Variants in TMEM272 observed in about 807,000 individuals in gnomAD.
TMEM272 encodes transmembrane protein 272, also known as long intergenic non-protein coding RNA 282.
A neutral mutation model predicts 3.7 loss-of-function variants in TMEM272; 8 were observed. The observed-to-expected ratio is 2.17, with a 90% CI of 1.27 to 3.91. The LOEUF (loss-of-function observed/expected upper bound fraction) is 3.91. Ranked by LOEUF, TMEM272 falls within the 30% of genes most tolerant of loss-of-function variation. TMEM272 has a pLI of 0.00. For synonymous variants in TMEM272, 63 were observed against 39.8 expected, an observed-to-expected ratio of 1.58 and a Z score of -2.20; for missense variants, 166 against 91.5, an observed-to-expected ratio of 1.81 and a Z score of -3.32.
the TMEM272 span, chr13:51,933,233 G>A: frequency 6.6e-6 from 1 of 152,184 alleles, no homozygotes; most frequent in African/African-American, 2.4e-5. Context: ...TAAGAGTGAA[G>A]CCTTCACAGC....
At chr13:51,878,956 C>T in the TMEM272 span, among the ~76,000 whole-genome samples, 3 of 152,158 alleles carry the variant, frequency 2.0e-5, no homozygotes, top group Admixed American at 6.5e-5. Flanking sequence ...TTTGTATTTA[C>T]ACAGAGATTC....
Position 51,838,542 on chromosome 13 carries a change from G to A in TMEM272, c.-12C>T, listed in dbSNP as rs1303459493. 1.6e-5 allele frequency: 11 copies of A among 702,906 alleles called. No individual in the cohort carries two copies. The highest frequency in any genetic ancestry group is 5.4e-5 in the East Asian group (2 of 37,302). 43.5% of individuals were successfully genotyped at this position (702,906 alleles called of 1,614,324 possible). A position where few individuals can be genotyped will look rare whatever the true frequency, so the allele number is the denominator to read the frequency against. On this transcript the variant is annotated 5_prime_UTR_variant, in exon 2 of 5. Transcript: ENST00000629372. ...AGACCTCCTGGCATTGTTCTTGCTC[G>A]CTGACAAAGTTCTGAGGATCAAAAA...
chr13:51,816,132 CGTT>C lies in TMEM272; in HGVS notation c.*616_*618del, dbSNP rs1956022403. Reference sequence around the variant, plus strand: ...CCCTATGTGGAAGCTACTGCTTTGACGTTGTTAGATTTTATAGCTGACCTTGGG... The same window carrying C: ...CCCTATGTGGAAGCTACTGCTTTGACGTTAGATTTTATAGCTGACCTTGGG... On this transcript the variant is annotated 3_prime_UTR_variant, in exon 5 of 5. Coordinates refer to ENST00000629372, the MANE Select transcript of TMEM272 (RefSeq NM_001351003.2). 1 of 153,034 alleles carries C rather than the reference CGTT, an allele frequency of 6.5e-6. No individual in the cohort carries two copies. Among genetic ancestry groups the C allele is most frequent in the Non-Finnish European group, 1.5e-5 (1 of 68,670 alleles). The allele number at this position is 153,034 out of a possible 1,614,324, so 9.5% of individuals were successfully genotyped here.
the TMEM272 span, among the ~76,000 whole-genome samples, chr13:51,896,591 G>A: frequency 6.6e-6 from 1 of 152,182 alleles, no homozygotes; most frequent in Non-Finnish European, 1.5e-5. Flanking sequence ...TGCCCTGAGA[G>A]GGGGATGCTG....
the TMEM272 span, among the ~76,000 whole-genome samples, chr13:51,911,267 A>AGGC: frequency 2.0e-5 from 3 of 152,176 alleles, no homozygotes; most frequent in Admixed American, 1.3e-4. Context: ...CTCCCAGATG[A>AGGC]GGCAGATTAT....
rs732854 is a variant in TMEM272 at position 51,843,591 on chromosome 13, G to A, written c.-24+1425C>T. Among the ~76,000 whole-genome samples the A allele has an allele frequency of 7.1e-3, 1,078 of 152,236 alleles. 8 individuals are homozygous for A. Among genetic ancestry groups the A allele is most frequent in the African/African-American group, 0.022 (894 of 41,518 alleles). On this transcript the variant is annotated intron_variant, in intron 1 of 4. Transcript: ENST00000629372. ...CTTCTATATCTTCTACTAAGAAAAC[G>A]TACATTTTTTCTTATTTGATAGAAA...
At chr13:51,824,277 G>T (rs780613306) in intron 3 of TMEM272, among the ~76,000 whole-genome samples, 2 of 152,094 alleles carry the variant, frequency 1.3e-5, no homozygotes, top group Non-Finnish European at 2.9e-5. Context: ...GCAGTATCAC[G>T]ATTATTCTTT....
chr13:51,928,475 G>T, the TMEM272 span, among the ~76,000 whole-genome samples: 1 of 152,180 alleles, frequency 6.6e-6, no homozygotes, highest in African/African-American at 2.4e-5. Context: ...TGAGAAGGCT[G>T]AAGCCCCGAC....
At chr13:51,926,643 G>A in the TMEM272 span, among the ~76,000 whole-genome samples, 1 of 148,400 alleles carries the variant, frequency 6.7e-6, no homozygotes, top group South Asian at 2.4e-4. Context: ...GTGGGTGTGG[G>A]TGTGGGTGTG....
Position 51,813,445 on chromosome 13 carries a change from T to C in TMEM272, c.*3306A>G. 2.5e-6 allele frequency: 1 copy of C among 393,968 alleles called. No individual in the cohort carries two copies. The allele number at this position is 393,968 out of a possible 1,614,324, so 24.4% of individuals were successfully genotyped here. A position where few individuals can be genotyped will look rare whatever the true frequency, so the allele number is the denominator to read the frequency against. ...ACAAAGATGAAAGCTATTGACCACTTGGCCACTTCTCATACTAAAAGAGAA... is the reference window on the plus strand; with the variant it reads ...ACAAAGATGAAAGCTATTGACCACTCGGCCACTTCTCATACTAAAAGAGAA... On this transcript the variant is annotated 3_prime_UTR_variant, in exon 5 of 5. Transcript: ENST00000629372.
chr13:51,903,077 A>G, the TMEM272 span, among the ~76,000 whole-genome samples: 1 of 152,206 alleles, frequency 6.6e-6, no homozygotes, highest in Non-Finnish European at 1.5e-5. Context: ...ACCTAAATAT[A>G]GTTTTGGTTT....
At chr13:51,841,065 G>T (rs1413857641) in intron 1 of TMEM272, among the ~76,000 whole-genome samples, 1 of 152,222 alleles carries the variant, frequency 6.6e-6, no homozygotes, top group Non-Finnish European at 1.5e-5. Flanking sequence ...CCACACGGGT[G>T]TCACAGAAGC....
the TMEM272 span, chr13:51,865,853 G>A: frequency 1.2e-6 from 2 of 1,613,712 alleles, no homozygotes; most frequent in Admixed American, 3.3e-5. Flanking sequence ...CCTGTGGGAG[G>A]AAGAAAAGGC....
At chr13:51,834,865 T>C (rs1956201679) in intron 2 of TMEM272, among the ~76,000 whole-genome samples, 1 of 152,222 alleles carries the variant, frequency 6.6e-6, no homozygotes, top group African/African-American at 2.4e-5. Flanking sequence ...CATGTATTCA[T>C]CAAGATTTCA....
At chr13:51,835,812 C>T (rs974903901) in intron 2 of TMEM272, among the ~76,000 whole-genome samples, 1 of 152,208 alleles carries the variant, frequency 6.6e-6, no homozygotes, top group African/African-American at 2.4e-5. Context: ...TTTCCCTCTG[C>T]ATGCTTTTTA....
chr13:51,924,550 T>A, the TMEM272 span, among the ~76,000 whole-genome samples: 2 of 152,122 alleles, frequency 1.3e-5, no homozygotes, highest in African/African-American at 4.8e-5. Flanking sequence ...CACTTCTGCA[T>A]TCTTGGGGCC....
At chr13:51,878,355 G>C in the TMEM272 span, among the ~76,000 whole-genome samples, 1 of 152,154 alleles carries the variant, frequency 6.6e-6, no homozygotes, top group African/African-American at 2.4e-5. Context: ...ACTTGAACCC[G>C]AGAGGCGGAG....
chr13:51,862,607 G>A, the TMEM272 span, among the ~76,000 whole-genome samples: 5 of 152,138 alleles, frequency 3.3e-5, no homozygotes, highest in Non-Finnish European at 7.3e-5. Context: ...ACATAGAGAT[G>A]GAAGATGAGG....
At chr13:51,819,439 G>A (rs770142014) in intron 4 of TMEM272, among the ~76,000 whole-genome samples, 1 of 152,026 alleles carries the variant, frequency 6.6e-6, no homozygotes, top group Non-Finnish European at 1.5e-5. Flanking sequence ...CACCCACCAC[G>A]TGTCCCCAGA....
Sources: allele counts gnomAD v4.1 joint callset (sites outside exome capture counted in the v4.1 genomes callset), GRCh38; gene constraint gnomAD v4.1.1; transcripts MANE v1.5; gene names NCBI Gene and HGNC (gene_info 2026-07-23, HGNC 2026-07-21).